Variants in CDK14 observed in about 807,000 individuals in gnomAD.
CDK14 encodes the protein cyclin-dependent kinase 14.
A neutral mutation model predicts 60.7 loss-of-function variants in CDK14; 34 were observed. That is an observed-to-expected ratio of 0.56 (90% CI 0.43 to 0.75). The LOEUF (loss-of-function observed/expected upper bound fraction) is 0.75. Among genes scored for constraint, CDK14 ranks in the 30% least tolerant of loss-of-function variants. The probability of loss-of-function intolerance (pLI) is 0.00; values close to 1 mark genes in which losing one functional copy is unlikely to be tolerated. For synonymous variants in CDK14, 197 were observed against 203.7 expected (o/e 0.97, Z 0.28); for missense variants, 482 against 564.1 (o/e 0.85, Z 1.47).
intron 14 of CDK14, among the ~76,000 whole-genome samples, chr7:91,137,957 C>T (rs1800337279): frequency 6.6e-6 from 1 of 152,126 alleles, no homozygotes; most frequent in Non-Finnish European, 1.5e-5. Context: ...ATTCCTTGGA[C>T]AGTGGATAAT....
chr7:90,933,168 C>T (rs1468037797), intron 8 of CDK14, among the ~76,000 whole-genome samples: 2 of 151,348 alleles, frequency 1.3e-5, no homozygotes, highest in East Asian at 3.9e-4. Flanking sequence ...GGTGAAACCC[C>T]AACTCTACAA....
chr7:90,653,281 C>T (rs1800684824), intron 2 of CDK14, among the ~76,000 whole-genome samples: 1 of 152,104 alleles, frequency 6.6e-6, no homozygotes, highest in Non-Finnish European at 1.5e-5. Context: ...GTTTCTTCAG[C>T]TCTAAGGCTA....
intron 2 of CDK14, among the ~76,000 whole-genome samples, chr7:90,708,997 A>G (rs13247454): frequency 0.16 from 23,757 of 152,066 alleles, 1,967 homozygotes; most frequent in South Asian, 0.18. Flanking sequence ...ACCTTGTGGC[A>G]TGACTTGGCA....
intron 10 of CDK14, among the ~76,000 whole-genome samples, chr7:91,044,514 A>G (rs529456821): frequency 6.6e-6 from 1 of 152,282 alleles, no homozygotes; most frequent in African/African-American, 2.4e-5. Context: ...TCTGCTGGTC[A>G]GCTGTGCCTA....
intron 14 of CDK14, among the ~76,000 whole-genome samples, chr7:91,140,237 A>G (rs1757324060): frequency 6.6e-6 from 1 of 152,192 alleles, no homozygotes. Context: ...AAGACTAAAT[A>G]AGAAAACAAA....
At chr7:90,795,927 A>G (rs1455150412) in intron 5 of CDK14, among the ~76,000 whole-genome samples, 2 of 152,178 alleles carry the variant, frequency 1.3e-5, no homozygotes, top group African/African-American at 4.8e-5. Flanking sequence ...GTTCAAGGGA[A>G]GAAGCAAGTA....
intron 5 of CDK14, among the ~76,000 whole-genome samples, chr7:90,857,425 T>A (rs944856193): frequency 6.6e-6 from 1 of 152,196 alleles, no homozygotes; most frequent in African/African-American, 2.4e-5. Flanking sequence ...TTTTGTATAG[T>A]TTTGACACCA....
intron 4 of CDK14, among the ~76,000 whole-genome samples, chr7:90,764,817 CTG>C (rs1804486673): frequency 6.6e-6 from 1 of 152,130 alleles, no homozygotes; most frequent in African/African-American, 2.4e-5. Flanking sequence ...TTTGGGATTG[CTG>C]TGTTTTTAAC....
intron 10 of CDK14, among the ~76,000 whole-genome samples, chr7:90,987,853 G>A (rs1216613554): frequency 6.6e-6 from 1 of 152,120 alleles, no homozygotes; most frequent in Non-Finnish European, 1.5e-5. Context: ...AGTGGCAATT[G>A]TATATCTGGC....
At chr7:90,687,314 A>G (rs1316415936) in intron 2 of CDK14, among the ~76,000 whole-genome samples, 1 of 152,090 alleles carries the variant, frequency 6.6e-6, no homozygotes. Context: ...TTAACCGAGC[A>G]GAGTTAAGGG....
intron 6 of CDK14, among the ~76,000 whole-genome samples, chr7:90,876,153 T>C (rs1322790441): frequency 6.6e-6 from 1 of 152,204 alleles, no homozygotes; most frequent in Non-Finnish European, 1.5e-5. Context: ...TGAATTTCAC[T>C]GTAGGTACTG....
chr7:90,971,634 G>A (rs1794934038), intron 9 of CDK14, among the ~76,000 whole-genome samples: 1 of 139,850 alleles, frequency 7.2e-6, no homozygotes, highest in African/African-American at 2.7e-5. Flanking sequence ...TAGACAACTT[G>A]ATGACTGCAT....
chr7:91,190,705 G>T (rs1310099232), intron 14 of CDK14, among the ~76,000 whole-genome samples: 1 of 152,140 alleles, frequency 6.6e-6, no homozygotes, highest in Admixed American at 6.5e-5. Context: ...GGACAGGCTG[G>T]TCTCAAACTC....
chr7:90,743,751 C>T (rs1485914733), intron 3 of CDK14, among the ~76,000 whole-genome samples: 1 of 151,946 alleles, frequency 6.6e-6, no homozygotes, highest in Non-Finnish European at 1.5e-5. Flanking sequence ...TTAATTTAAT[C>T]TATTTATTGT....
intron 5 of CDK14, among the ~76,000 whole-genome samples, chr7:90,857,545 A>G (rs960601947): frequency 1.3e-5 from 2 of 152,256 alleles, no homozygotes; most frequent in African/African-American, 4.8e-5. Context: ...AATTTAAAAC[A>G]TTGCCATATG....
At chr7:90,871,442 A>G (rs539520112) in intron 6 of CDK14, among the ~76,000 whole-genome samples, 3 of 152,286 alleles carry the variant, frequency 2.0e-5, no homozygotes, top group South Asian at 2.1e-4. Context: ...CAGGAGAATT[A>G]AAGACATACC....
intron 3 of CDK14, among the ~76,000 whole-genome samples, chr7:90,744,436 T>C (rs1803490332): frequency 6.6e-6 from 1 of 152,208 alleles, no homozygotes; most frequent in Admixed American, 6.5e-5. Flanking sequence ...GGCAACCATC[T>C]GATTTCTCAA....
chr7:91,120,575 C>G (rs1373274472), intron 14 of CDK14, among the ~76,000 whole-genome samples: 1 of 150,424 alleles, frequency 6.6e-6, no homozygotes, highest in East Asian at 1.9e-4. Flanking sequence ...ACTCTTTTGC[C>G]CAGGCTAGAG....
chr7:90,598,145 A>G (rs976344518), intron 1 of CDK14, among the ~76,000 whole-genome samples: 15 of 152,232 alleles, frequency 9.9e-5, no homozygotes, highest in African/African-American at 3.6e-4. Flanking sequence ...GTTCTAAAAC[A>G]CATTAACTAT....
Sources: allele counts gnomAD v4.1 joint callset (sites outside exome capture counted in the v4.1 genomes callset), GRCh38; gene constraint gnomAD v4.1.1; transcripts MANE v1.5; gene names NCBI Gene and HGNC (gene_info 2026-07-23, HGNC 2026-07-21).